WWOX: variants seen among roughly 807,000 people sequenced by gnomAD.
The protein encoded by WWOX is WW domain containing oxidoreductase.
WWOX carries 69 observed loss-of-function variants against 46.2 expected under a neutral mutation model. That is an observed-to-expected ratio of 1.49 (90% CI 1.23 to 1.82). The LOEUF is 1.82. Among genes scored for constraint, WWOX ranks in the 40% most tolerant of loss-of-function variants. WWOX has a pLI of 0.00. For missense variants in WWOX, 919 were observed against 542.6 expected, an observed-to-expected ratio of 1.69 and a Z score of -6.89; for synonymous variants, 359 against 202.6, an observed-to-expected ratio of 1.77 and a Z score of -6.56.
chr16:78,510,502 C>G (rs371581666), intron 8 of WWOX, among the ~76,000 whole-genome samples: 2 of 152,120 alleles, frequency 1.3e-5, no homozygotes, highest in Admixed American at 1.3e-4. Flanking sequence ...CGTGAGCCAC[C>G]GTGCCGGCCA....
At chr16:78,219,281 T>C (rs1395648652) in intron 5 of WWOX, among the ~76,000 whole-genome samples, 7 of 152,124 alleles carry the variant, frequency 4.6e-5, no homozygotes, top group Admixed American at 3.9e-4. Context: ...TTAATATGAA[T>C]CTAGATGAAC....
At chr16:78,206,511 A>T (rs1800390185) in intron 5 of WWOX, among the ~76,000 whole-genome samples, 1 of 152,182 alleles carries the variant, frequency 6.6e-6, no homozygotes, top group Admixed American at 6.5e-5. Context: ...TTCTAAGCTG[A>T]TGCTGCTCTA....
At chr16:78,222,919 T>C (rs780169045) in intron 5 of WWOX, among the ~76,000 whole-genome samples, 3 of 152,192 alleles carry the variant, frequency 2.0e-5, no homozygotes, top group Non-Finnish European at 2.9e-5. Context: ...GCAAATAGGC[T>C]CAGGGTTCAG....
chr16:78,477,411 A>C (rs576276237), intron 8 of WWOX, among the ~76,000 whole-genome samples: 1 of 151,974 alleles, frequency 6.6e-6, no homozygotes, highest in Non-Finnish European at 1.5e-5. Flanking sequence ...TTTAAGTGTT[A>C]CTGTGTAATT....
chr16:78,686,271 G>C (rs2047855396), intron 8 of WWOX, among the ~76,000 whole-genome samples: 1 of 152,174 alleles, frequency 6.6e-6, no homozygotes, highest in Non-Finnish European at 1.5e-5. Context: ...CAGGACTTTG[G>C]GAGGCCGAGG....
intron 8 of WWOX, among the ~76,000 whole-genome samples, chr16:79,059,162 G>T (rs9972753): frequency 0.45 from 68,278 of 152,056 alleles, 16,245 homozygotes; most frequent in Non-Finnish European, 0.53. Context: ...GAGAATTATG[G>T]AACAATAATT....
intron 5 of WWOX, among the ~76,000 whole-genome samples, chr16:78,275,310 G>A (rs1222508604): frequency 6.6e-6 from 1 of 152,090 alleles, no homozygotes; most frequent in Admixed American, 6.6e-5. Context: ...CACATTTCCC[G>A]GGCGCAGCCC....
intron 8 of WWOX, among the ~76,000 whole-genome samples, chr16:79,033,755 C>A (rs1192244964): frequency 1.3e-5 from 2 of 152,204 alleles, no homozygotes; most frequent in Non-Finnish European, 2.9e-5. Flanking sequence ...CACCATTCTC[C>A]CCTACTTTGT....
chr16:79,039,114 G>A (rs1383225564), intron 8 of WWOX, among the ~76,000 whole-genome samples: 3 of 152,044 alleles, frequency 2.0e-5, no homozygotes, highest in Non-Finnish European at 4.4e-5. Flanking sequence ...AAAAATTAAA[G>A]AAATGAAAGT....
At chr16:78,706,311 C>T (rs943571125) in intron 8 of WWOX, among the ~76,000 whole-genome samples, 1 of 152,090 alleles carries the variant, frequency 6.6e-6, no homozygotes, top group Non-Finnish European at 1.5e-5. Flanking sequence ...CAACACATCT[C>T]TTATTTCTTT....
chr16:79,164,094 T>C (rs1038581359), intron 8 of WWOX, among the ~76,000 whole-genome samples: 8 of 152,218 alleles, frequency 5.3e-5, no homozygotes, highest in South Asian at 2.1e-4. Context: ...TAAAAGCTTT[T>C]CCTCGGTGCC....
At chr16:78,103,258 T>G (rs1187347417) in intron 1 of WWOX, among the ~76,000 whole-genome samples, 1 of 120,712 alleles carries the variant, frequency 8.3e-6, no homozygotes, top group Non-Finnish European at 1.9e-5. Flanking sequence ...TTTTTTTTTT[T>G]TTTTTTAATT....
chr16:78,726,217 C>T (rs1479158541), intron 8 of WWOX, among the ~76,000 whole-genome samples: 3 of 145,440 alleles, frequency 2.1e-5, no homozygotes, highest in East Asian at 2.0e-4. Context: ...TCTTTTCTTC[C>T]TTCCTTCCTT....
At chr16:78,266,145 T>G (rs2079357210) in intron 5 of WWOX, 1 of 152,222 alleles carries the variant, frequency 6.6e-6, no homozygotes, top group East Asian at 1.9e-4. Context: ...GCCTGTCATG[T>G]TTTTGTACAG....
intron 8 of WWOX, among the ~76,000 whole-genome samples, chr16:78,587,193 CTTT>C (rs528293412): frequency 1.1e-4 from 12 of 112,888 alleles, no homozygotes; most frequent in Non-Finnish European, 1.8e-4. Context: ...GCCTGGCTAA[CTTT>C]TTTTTTTTTT....
intron 8 of WWOX, among the ~76,000 whole-genome samples, chr16:78,979,461 C>T (rs2046638152): frequency 6.6e-6 from 1 of 152,136 alleles, no homozygotes; most frequent in African/African-American, 2.4e-5. Context: ...TCGAGGTGCT[C>T]AGATATGGTG....
chr16:78,942,636 T>G (rs1052441381), intron 8 of WWOX, among the ~76,000 whole-genome samples: 3 of 152,162 alleles, frequency 2.0e-5, no homozygotes, highest in African/African-American at 7.2e-5. Context: ...TGAGACATAC[T>G]TTTCACACGT....
At chr16:78,981,504 C>G (rs948097943) in intron 8 of WWOX, among the ~76,000 whole-genome samples, 1 of 151,262 alleles carries the variant, frequency 6.6e-6, no homozygotes, top group Admixed American at 6.6e-5. Context: ...GTGGCACAAT[C>G]TGGGCTCACT....
At chr16:78,491,581 G>C (rs1207357330) in intron 8 of WWOX, among the ~76,000 whole-genome samples, 1 of 152,104 alleles carries the variant, frequency 6.6e-6, no homozygotes, top group Non-Finnish European at 1.5e-5. Context: ...TCCTACCTCA[G>C]CCTCCTGAGT....
Sources: gnomAD v4.1 joint callset for allele counts (sites outside exome capture counted in the v4.1 genomes callset) on GRCh38, gnomAD v4.1.1 for gene constraint, MANE v1.5 for transcripts, NCBI Gene and HGNC (gene_info 2026-07-23, HGNC 2026-07-21) for gene names.